HJURP: variants seen among roughly 807,000 people sequenced by gnomAD.
The protein encoded by HJURP is 14-3-3-associated AKT substrate.
In HJURP, 49 loss-of-function variants were observed where a neutral mutation model predicts 72.0. That is an observed-to-expected ratio of 0.68 (90% CI 0.54 to 0.86). HJURP has a LOEUF of 0.86. Among genes scored for constraint, HJURP ranks in the 40% least tolerant of loss-of-function variants. HJURP has a pLI of 0.00. For synonymous variants in HJURP, 357 were observed against 347.1 expected (o/e 1.03, Z -0.32); for missense variants, 908 against 936.3 (o/e 0.97, Z 0.39).
Position 233,837,511 on chromosome 2 carries a change from A to T in HJURP, c.*66T>A. On this transcript the variant is annotated 3_prime_UTR_variant, in exon 9 of 9. Coordinates refer to ENST00000411486, the MANE Select transcript of HJURP (RefSeq NM_018410.5). ...CCAAGTCCTCACAGTCTCAAGAATCAAAAACAAAACAAAAATACAAACAGA... is the reference window on the plus strand; with the variant it reads ...CCAAGTCCTCACAGTCTCAAGAATCTAAAACAAAACAAAAATACAAACAGA... 8.5e-7 allele frequency: 1 copy of T among 1,178,830 alleles called. No homozygotes were observed. The highest frequency in any genetic ancestry group is 1.3e-6 in the Non-Finnish European group (1 of 791,278). 73.0% of individuals were successfully genotyped at this position (1,178,830 alleles called of 1,614,324 possible).
chr2:233,840,840 C>G lies in HJURP; in HGVS notation c.1940G>C (p.Arg647Thr). ...QKLPSSPLGC[R>T]KSLLGSTAIE... ...TGCAGTTGAGCCCAGTAGACTTTTT[C>G]TGCACCCCAGGGGTGATGATGGCAA... Residue 647 changes from arginine (R) to threonine (T), a missense_variant, in exon 8 of 9, where the codon AGA (arginine) becomes ACA (threonine). This residue lies in a region of HJURP where 598 missense variants were observed against 619.5 expected (regional missense o/e 0.97). Coordinates refer to ENST00000411486, the MANE Select transcript of HJURP (RefSeq NM_018410.5). 2 of 1,613,906 alleles carry G rather than the reference C, an allele frequency of 1.2e-6. No individual in the cohort carries two copies. The highest frequency in any genetic ancestry group is 1.7e-6 in the Non-Finnish European group (2 of 1,179,964).
chr2:233,848,656 T>C (rs1574649328), intron 4 of HJURP, among the ~76,000 whole-genome samples: 1 of 152,098 alleles, frequency 6.6e-6, no homozygotes, highest in Non-Finnish European at 1.5e-5. Context: ...GAGCAGAAGA[T>C]GGGGAGCCTG....
At position 233,841,803 on chromosome 2, in the gene HJURP, G is replaced by C. The variant is rs201038568; in HGVS notation, c.977C>G (p.Pro326Arg). 130 of 1,613,972 alleles carry C rather than the reference G, an allele frequency of 8.1e-5. No individual in the cohort carries two copies. Among genetic ancestry groups the C allele is most frequent in the Non-Finnish European group, 1.6e-5 (19 of 1,179,990 alleles). Reference sequence around the variant, plus strand: ...TGTCCCTTTCACAGGCTCAGAGCAGGGTATGAAGTTCTCCTTGGAGCTCCT... The same window carrying C: ...TGTCCCTTTCACAGGCTCAGAGCAGCGTATGAAGTTCTCCTTGGAGCTCCT... Reference protein sequence around the residue: ...SQRSSKENFIPCSEPVKGTGA... With the variant: ...SQRSSKENFIRCSEPVKGTGA... The change falls in exon 8 of 9, where the codon CCC becomes CGC. Residue 326 changes from proline to arginine, a missense_variant. This residue lies in a region of HJURP where 598 missense variants were observed against 619.5 expected (regional missense o/e 0.97). Coordinates refer to ENST00000411486, the MANE Select transcript of HJURP (RefSeq NM_018410.5).
In HJURP at chr2:233,847,453, T is replaced by G. The variant is rs375563604; in HGVS notation, c.346A>C (p.Ser116Arg). 1.2e-6 allele frequency: 2 copies of G among 1,613,684 alleles called. No individual in the cohort carries two copies. The highest frequency in any genetic ancestry group is 2.7e-5 in the African/African-American group (2 of 74,938). Residue 116 changes from serine to arginine, a missense_variant, in exon 5 of 9, where the codon AGC becomes CGC. Ser to Arg is a moderately radical substitution (Grantham distance 110). Transcript: ENST00000411486. ...TCTGACGTGGCATCGACCTCACCGC[T>G]TTTTGAATCTAAAAGTCAAACAAGT... The part of the protein sequence containing the change: ...HRTVLGADSK[S>R]GEVDATSDQE...
At chr2:233,844,131 T>C in intron 7 of HJURP, 74 bp downstream of exon 7, 1 of 1,201,088 alleles carries the variant, frequency 8.3e-7, no homozygotes, top group Non-Finnish European at 1.2e-6. Flanking sequence ...TATGAGCAGC[T>C]CTGAGGGGCC....
rs1354639398 is a variant in HJURP, at chr2:233,840,638, G to A, written c.2142C>T (p.Gly714=). ...CTTCTGAGTTGGGCTGTGAAGAGCT[G>A]CCCTGGTCTCCCGGTCTGACGGTGT... ...VDNTVRPGDQ[G]SSSQPNSEER... The change falls in exon 8 of 9, where the codon GGC becomes GGT. Residue 714 remains glycine (G), a synonymous_variant. Transcript: ENST00000411486. 1.1e-5 allele frequency: 17 copies of A among 1,607,640 alleles called. No individual in the cohort carries two copies. Among genetic ancestry groups the A allele is most frequent in the Non-Finnish European group, 1.4e-5 (16 of 1,178,184 alleles).
Position 233,837,619 on chromosome 2 carries a change from TTTCTC to T in HJURP, c.2200_2204del (p.Glu734LysfsTer2), listed in dbSNP as rs1438404003. 1 of 1,611,842 alleles carries T rather than the reference TTTCTC, an allele frequency of 6.2e-7. No individual in the cohort carries two copies. The highest frequency in any genetic ancestry group is 8.5e-7 in the Non-Finnish European group (1 of 1,178,664). ...CCAATTTTTCTAGCATGAAATCACT[TTTCTC>T]TTCCATCCTGTAAGACGTGTTCTCT... On this transcript the variant is annotated frameshift_variant, in exon 9 of 9. Coordinates refer to ENST00000411486, the MANE Select transcript of HJURP (RefSeq NM_018410.5). LOFTEE classifies it high-confidence loss of function.
At chr2:233,853,475 A>G (rs893866964) in intron 2 of HJURP, among the ~76,000 whole-genome samples, 1 of 152,220 alleles carries the variant, frequency 6.6e-6, no homozygotes, top group Non-Finnish European at 1.5e-5. Context: ...ACAGTTTCAT[A>G]GGGATTGTAC....
chr2:233,838,684 C>T (rs1243352335), intron 8 of HJURP, among the ~76,000 whole-genome samples: 1 of 152,102 alleles, frequency 6.6e-6, no homozygotes, highest in East Asian at 1.9e-4. Context: ...CTCTCTGGGC[C>T]GGACAGTTGT....
chr2:233,838,689 A>G (rs1352417786), intron 8 of HJURP, among the ~76,000 whole-genome samples: 1 of 152,190 alleles, frequency 6.6e-6, no homozygotes, highest in Non-Finnish European at 1.5e-5. Flanking sequence ...TGGGCCGGAC[A>G]GTTGTTTTTG....
At chr2:233,842,768 A>G (rs1247368368) in intron 7 of HJURP, among the ~76,000 whole-genome samples, 1 of 152,196 alleles carries the variant, frequency 6.6e-6, no homozygotes, top group Non-Finnish European at 1.5e-5. Flanking sequence ...TTTCAAGCTT[A>G]TTTAGTAGAT....
intron 6 of HJURP, among the ~76,000 whole-genome samples, chr2:233,845,236 C>T (rs145167243): frequency 0.02 from 3,073 of 152,126 alleles, 84 homozygotes; most frequent in African/African-American, 0.068. Context: ...ACTGCAACCT[C>T]CGCCTCCTGG....
chr2:233,854,220 C>G (rs1457430359), intron 1 of HJURP, among the ~76,000 whole-genome samples, 164 bp downstream of exon 1: 1 of 152,192 alleles, frequency 6.6e-6, no homozygotes, highest in African/African-American at 2.4e-5. Context: ...CTCTCCGGAG[C>G]CCCCAGCTCC....
chr2:233,839,314 G>A (rs1217246875), intron 8 of HJURP, among the ~76,000 whole-genome samples: 4 of 151,738 alleles, frequency 2.6e-5, no homozygotes, highest in Non-Finnish European at 4.4e-5. Flanking sequence ...TTACCTGCAC[G>A]GAGCAGGCAG....
At chr2:233,837,786 TTAAA>T (rs1426583162) in intron 8 of HJURP, 134 bp from the exon 9 acceptor site, 2 of 640,322 alleles carry the variant, frequency 3.1e-6, no homozygotes, top group Non-Finnish European at 5.4e-6. Flanking sequence ...TGGCATTACG[TTAAA>T]TAAGTAAGTT....
intron 3 of HJURP, among the ~76,000 whole-genome samples, chr2:233,851,429 C>T (rs2124977449): frequency 6.6e-6 from 1 of 152,282 alleles, no homozygotes; most frequent in South Asian, 2.1e-4. Context: ...TGAGTAGTTA[C>T]AACAGAGACC....
chr2:233,837,618 T>A lies in HJURP; in HGVS notation c.2206A>T (p.Ser736Cys). 1 of 1,611,830 alleles carries A rather than the reference T, an allele frequency of 6.2e-7. No individual in the cohort carries two copies. The highest frequency in any genetic ancestry group is 8.5e-7 in the Non-Finnish European group (1 of 1,178,596). The change falls in exon 9 of 9, where the codon AGT becomes TGT. Residue 736 changes from serine to cysteine, a missense_variant. Physicochemically the swap from Ser to Cys is moderately radical, Grantham distance 112. Around this residue, in one of 3 missense-constraint regions of HJURP, gnomAD observed 598 missense variants for 619.5 expected, o/e 0.97. Transcript: ENST00000411486. Reference sequence around the variant, plus strand: ...TCCAATTTTTCTAGCATGAAATCACTTTTCTCTTCCATCCTGTAAGACGTG... The same window carrying A: ...TCCAATTTTTCTAGCATGAAATCACATTTCTCTTCCATCCTGTAAGACGTG... ...ENTSYRMEEK[S>C]DFMLEKLETK...
intron 8 of HJURP, among the ~76,000 whole-genome samples, chr2:233,838,243 G>A (rs1705128741): frequency 6.6e-6 from 1 of 152,212 alleles, no homozygotes. Context: ...AACCTGGGGT[G>A]TTCATGATTT....
chr2:233,839,496 G>A (rs983754455), intron 8 of HJURP, among the ~76,000 whole-genome samples: 14 of 152,264 alleles, frequency 9.2e-5, no homozygotes, highest in Non-Finnish European at 1.6e-4. Flanking sequence ...CAGAGTGACA[G>A]TGAGAAAGGC....
Sources: gnomAD v4.1 joint callset for allele counts (sites outside exome capture counted in the v4.1 genomes callset) on GRCh38, gnomAD v4.1.1 for gene constraint, gnomAD v4.1.1 regional missense constraint, MANE v1.5 for transcripts, NCBI Gene and HGNC (gene_info 2026-07-23, HGNC 2026-07-21) for gene names.